The following FXR1 variants were observed in gnomAD, a reference collection of about 807,000 sequenced individuals.
The protein encoded by FXR1 is FMR1 autosomal homolog 1.
Under a neutral mutation model 84.0 loss-of-function variants are expected in FXR1, and 15 were observed. The ratio of observed to expected loss-of-function variants is 0.18; its 90% CI spans 0.12 to 0.27. The LOEUF is 0.27. Ranked by LOEUF, FXR1 falls within the 10% of genes least tolerant of loss-of-function variation. The pLI is 1.00. For missense variants in FXR1, 480 were observed against 774.4 expected (o/e 0.62, Z 4.51); for synonymous variants, 245 against 250.7 (o/e 0.98, Z 0.21).
At chr3:180,949,382 A>G (rs773769722) in intron 7 of FXR1, 39 bp downstream of exon 7, 1 of 979,402 alleles carries the variant, frequency 1.0e-6, no homozygotes, top group Non-Finnish European at 1.7e-6. Context: ...TCTGTGTCCC[A>G]TTTAGTTTTT....
intron 3 of FXR1, among the ~76,000 whole-genome samples, chr3:180,940,687 C>T: frequency 6.6e-6 from 1 of 151,670 alleles, no homozygotes; most frequent in Non-Finnish European, 1.5e-5. Context: ...AGTGATTCTC[C>T]TGCCTCAGCC....
At chr3:180,913,791 C>T (rs571941626) in intron 1 of FXR1, among the ~76,000 whole-genome samples, 2 of 152,320 alleles carry the variant, frequency 1.3e-5, no homozygotes, top group African/African-American at 4.8e-5. Flanking sequence ...CTCACTAAGC[C>T]AGCATCTCAA....
In FXR1 at chr3:180,942,815, C is replaced by G. The variant is rs192739722; in HGVS notation, c.199-5050C>G. On this transcript the variant is annotated intron_variant, in intron 3 of 16. Coordinates refer to ENST00000357559, the MANE Select transcript of FXR1 (RefSeq NM_005087.4). Reference sequence around the variant, plus strand: ...GGGCGCTGTTATTCAATGACAGATTCGTAAATCAATTCAGTAATTAACATT... The same window carrying G: ...GGGCGCTGTTATTCAATGACAGATTGGTAAATCAATTCAGTAATTAACATT... Among the ~76,000 whole-genome samples, 591 of 152,128 alleles carry G rather than the reference C, an allele frequency of 3.9e-3. 3 individuals are homozygous for G. In the Middle Eastern group the frequency reaches 0.051, roughly 13 times the overall value.
chr3:180,959,145 G>A (rs190747995), intron 10 of FXR1, among the ~76,000 whole-genome samples: 1 of 151,664 alleles, frequency 6.6e-6, no homozygotes, highest in African/African-American at 2.4e-5. Flanking sequence ...ACGCTTTTAC[G>A]TTGCTATAGA....
At chr3:180,974,423 G>A (rs1177705164) in intron 15 of FXR1, among the ~76,000 whole-genome samples, 2 of 152,140 alleles carry the variant, frequency 1.3e-5, no homozygotes, top group African/African-American at 4.8e-5. Context: ...GTTTACAGGT[G>A]TGAGCCACCA....
chr3:180,926,710 T>C (rs1348960969), intron 1 of FXR1, among the ~76,000 whole-genome samples: 1 of 151,896 alleles, frequency 6.6e-6, no homozygotes, highest in African/African-American at 2.4e-5. Flanking sequence ...GTCTGCCAAA[T>C]ACTAAGGTTT....
chr3:180,930,366 A>G (rs1321112254), intron 1 of FXR1, among the ~76,000 whole-genome samples: 5 of 152,216 alleles, frequency 3.3e-5, no homozygotes, highest in South Asian at 2.1e-4. Flanking sequence ...TTTGTGGGAA[A>G]GGTGGAAGTG....
intron 1 of FXR1, among the ~76,000 whole-genome samples, chr3:180,919,140 T>A (rs1718246943): frequency 6.6e-6 from 1 of 152,234 alleles, no homozygotes; most frequent in South Asian, 2.1e-4. Context: ...ACAAATCTGC[T>A]TTCTAATATA....
intron 2 of FXR1, among the ~76,000 whole-genome samples, chr3:180,934,082 C>G (rs13097727): frequency 0.17 from 25,382 of 152,114 alleles, 2,371 homozygotes; most frequent in Middle Eastern, 0.24. Context: ...CCATTGCACT[C>G]CAGCCTGGAC....
intron 3 of FXR1, among the ~76,000 whole-genome samples, chr3:180,938,605 A>T (rs112214547): frequency 2.6e-5 from 4 of 151,876 alleles, no homozygotes; most frequent in African/African-American, 9.7e-5. Flanking sequence ...CTGGAGTGCA[A>T]TGGTGCGATC....
At chr3:180,964,673 T>TTATATATATATATATATATATATATATA (rs10600370) in intron 13 of FXR1, among the ~76,000 whole-genome samples, 42 of 136,328 alleles carry the variant, frequency 3.1e-4, no homozygotes, top group African/African-American at 9.5e-4. Flanking sequence ...TGTAGTTGAT[T>TTATATATATATATATATATATATATATA]TATATATATA....
At chr3:180,915,384 A>C in intron 1 of FXR1, 2 of 669,032 alleles carry the variant, frequency 3.0e-6, no homozygotes, top group South Asian at 4.1e-5. Context: ...TTCTGTCCCC[A>C]TAGTTTTTCT....
intron 1 of FXR1, among the ~76,000 whole-genome samples, chr3:180,917,675 G>A (rs879706747): frequency 2.0e-5 from 3 of 152,104 alleles, no homozygotes; most frequent in African/African-American, 7.2e-5. Context: ...TAGGCCGGGC[G>A]CCGTGGCTCA....
Position 180,977,762 on chromosome 3 carries a change from G to T in FXR1, c.*1470G>T, listed in dbSNP as rs1360621307. 6.6e-6 allele frequency: 1 copy of T among 152,082 alleles called. No homozygotes were observed. The highest frequency in any genetic ancestry group is 1.5e-5 in the Non-Finnish European group (1 of 67,974). The allele number at this position is 152,082 out of a possible 1,614,324, so 9.4% of individuals were successfully genotyped here. A position where few individuals can be genotyped will look rare whatever the true frequency, so the allele number is the denominator to read the frequency against. On this transcript the variant is annotated 3_prime_UTR_variant, in exon 17 of 17. Coordinates refer to ENST00000357559, the MANE Select transcript of FXR1 (RefSeq NM_005087.4). ...ATGAAAAGTGTTGTGTGCATAGTTT[G>T]TGTTAATTTTTTATGTGCATAAAAA...
chr3:180,923,365 T>C, intron 1 of FXR1, among the ~76,000 whole-genome samples: 1 of 152,138 alleles, frequency 6.6e-6, no homozygotes, highest in Non-Finnish European at 1.5e-5. Flanking sequence ...AACATTGTGA[T>C]TTGCTTTTTG....
chr3:180,948,611 A>T (rs571770378), intron 5 of FXR1, 110 bp from the exon 6 acceptor site: 1 of 997,662 alleles, frequency 1.0e-6, no homozygotes, highest in African/African-American at 1.6e-5. Flanking sequence ...ATCTTAATGA[A>T]CAAAGGTTTT....
intron 10 of FXR1, among the ~76,000 whole-genome samples, chr3:180,960,143 T>G (rs1711910847): frequency 6.6e-6 from 1 of 152,216 alleles, no homozygotes; most frequent in East Asian, 1.9e-4. Flanking sequence ...TTCTCTTTTC[T>G]GCCACTTTTT....
At chr3:180,915,768 G>C (rs566933708) in intron 1 of FXR1, 1 of 601,748 alleles carries the variant, frequency 1.7e-6, no homozygotes. Context: ...TGTAGACTTT[G>C]ATTAAAGTTT....
chr3:180,915,448 G>T, intron 1 of FXR1: 1 of 1,246,268 alleles, frequency 8.0e-7, no homozygotes, highest in South Asian at 1.3e-5. Flanking sequence ...AGTGTTTTGA[G>T]TCCGGCTTCC....
Sources: allele counts gnomAD v4.1 joint callset (sites outside exome capture counted in the v4.1 genomes callset), GRCh38; gene constraint gnomAD v4.1.1; transcripts MANE v1.5; gene names NCBI Gene and HGNC (gene_info 2026-07-23, HGNC 2026-07-21).